Variants in IQSEC1 observed in about 807,000 individuals in gnomAD.
IQSEC1 encodes IQ motif and Sec7 domain ArfGEF 1.
In IQSEC1, 31 loss-of-function variants were observed where a neutral mutation model predicts 91.0. The ratio of observed to expected loss-of-function variants is 0.34; its 90% CI spans 0.26 to 0.46. The LOEUF is 0.46. Among genes scored for constraint, IQSEC1 ranks in the 20% least tolerant of loss-of-function variants. IQSEC1 has a pLI of 1.00. For missense variants in IQSEC1, 1,388 were observed against 1,575.6 expected (o/e 0.88, Z 2.02); for synonymous variants, 699 against 662.6 (o/e 1.05, Z -0.84).
intron 2 of IQSEC1, among the ~76,000 whole-genome samples, chr3:13,085,246 T>G (rs1335308385): frequency 6.6e-6 from 1 of 152,128 alleles, no homozygotes; most frequent in Non-Finnish European, 1.5e-5. Context: ...AGCACAGAAC[T>G]GAACCGACCA....
At chr3:13,060,232 A>C (rs1452466004) in intron 1 of IQSEC1, among the ~76,000 whole-genome samples, 2 of 152,176 alleles carry the variant, frequency 1.3e-5, no homozygotes, top group Non-Finnish European at 2.9e-5. Context: ...GCCAGTCAGC[A>C]CCATGGGAGA....
intron 2 of IQSEC1, among the ~76,000 whole-genome samples, chr3:13,151,121 C>G (rs1314766143): frequency 6.6e-6 from 1 of 152,218 alleles, no homozygotes; most frequent in Admixed American, 6.5e-5. Context: ...AATCACTTCC[C>G]TTCCCACGCT....
rs201139246 is a variant in IQSEC1 at position 12,902,739 on chromosome 3, G to A, written c.2805+34C>T. 272 of 1,499,228 alleles carry A rather than the reference G, an allele frequency of 1.8e-4. 1 individual carries two copies. Among genetic ancestry groups the A allele is most frequent in the Middle Eastern group, 3.5e-4 (2 of 5,768 alleles). The allele number at this position is 1,499,228 out of a possible 1,614,324, so 92.9% of individuals were successfully genotyped here. A position where few individuals can be genotyped will look rare whatever the true frequency, so the allele number is the denominator to read the frequency against. The stretch of plus-strand genomic sequence containing the variant: ...CTGAGGACTGGGGAAGGCGACACAG[G>A]ACAGCCAGCTGGACAGAGGCGCTTC... On this transcript the variant is annotated intron_variant, in intron 13 of 13. Transcript: ENST00000613206.
chr3:13,019,307 G>C (rs962316265), intron 1 of IQSEC1, among the ~76,000 whole-genome samples: 1 of 152,218 alleles, frequency 6.6e-6, no homozygotes, highest in African/African-American at 2.4e-5. Context: ...CTGGGCAGAG[G>C]GCCAGGGCTG....
chr3:12,913,046 G>C (rs958088313), intron 9 of IQSEC1, among the ~76,000 whole-genome samples: 4 of 152,258 alleles, frequency 2.6e-5, no homozygotes, highest in Non-Finnish European at 5.9e-5. Flanking sequence ...TCTAGGAAGA[G>C]GATTCTACAG....
Position 13,170,108 on chromosome 3 carries a change from G to T in IQSEC1, c.273-5975C>A, listed in dbSNP as rs1258398705. 4.6e-5 allele frequency among the ~76,000 whole-genome samples: 7 copies of T among 152,328 alleles called. No homozygotes were observed. The East Asian group carries it at 9.6e-4, about 21-fold the overall frequency. ...AATGGTTTTGTGGGCCAGGCCCAGG[G>T]TCCCCAAGCTGTGTGCAGCCTAGGG... On this transcript the variant is annotated intron_variant, in intron 1 of 15. Coordinates refer to the IQSEC1 transcript ENST00000648114.
chr3:13,263,169 G>A (rs189435841), intron 1 of IQSEC1, among the ~76,000 whole-genome samples: 21 of 152,198 alleles, frequency 1.4e-4, no homozygotes, highest in African/African-American at 4.3e-4. Flanking sequence ...AGAATCTCTT[G>A]AGCCTCGGAG....
chr3:13,264,748 T>C (rs577406), intron 1 of IQSEC1, among the ~76,000 whole-genome samples: 112,771 of 150,792 alleles, frequency 0.75, 42,828 homozygotes, highest in East Asian at 0.97. Flanking sequence ...TCAAAAGGGG[T>C]CAAACACATA....
intron 1 of IQSEC1, among the ~76,000 whole-genome samples, chr3:13,004,776 T>C (rs1239373723): frequency 6.6e-6 from 1 of 151,974 alleles, no homozygotes; most frequent in Non-Finnish European, 1.5e-5. Context: ...GGGGGGAGGC[T>C]AATTCACCTC....
intron 1 of IQSEC1, among the ~76,000 whole-genome samples, chr3:13,232,529 G>T (rs1237590811): frequency 6.6e-6 from 1 of 152,182 alleles, no homozygotes; most frequent in African/African-American, 2.4e-5. Context: ...GCCTCTCACG[G>T]GGTGGTGACA....
At chr3:13,119,426 G>A (rs1280558101) in intron 2 of IQSEC1, among the ~76,000 whole-genome samples, 2 of 152,242 alleles carry the variant, frequency 1.3e-5, no homozygotes, top group Admixed American at 6.5e-5. Context: ...GGAGCTGGCT[G>A]GAGGAAATGA....
rs200320580 is a variant in IQSEC1 at position 12,911,595 on chromosome 3, C to T, written c.2416+34G>A. The T allele has an allele frequency of 1.9e-4, 278 of 1,488,578 alleles. 1 individual carries two copies. In the African/African-American group the frequency reaches 3.4e-3, roughly 18 times the overall value. The allele number at this position is 1,488,578 out of a possible 1,614,324, so 92.2% of individuals were successfully genotyped here. A position where few individuals can be genotyped will look rare whatever the true frequency, so the allele number is the denominator to read the frequency against. ...GAGAAAGAGCGTAAGCTGGGACATGCGCTCTTCCAGGCAGGCCCTGGGGGC... is the reference window on the plus strand; with the variant it reads ...GAGAAAGAGCGTAAGCTGGGACATGTGCTCTTCCAGGCAGGCCCTGGGGGC... On this transcript the variant is annotated intron_variant, in intron 10 of 13. Coordinates refer to ENST00000613206, the MANE Select transcript of IQSEC1 (RefSeq NM_001134382.3).
Position 12,936,101 on chromosome 3 carries a change from C to T in IQSEC1, c.915G>A (p.Ser305=), listed in dbSNP as rs751316517. The T allele has an allele frequency of 1.4e-5, 22 of 1,610,838 alleles. No individual in the cohort carries two copies. Among genetic ancestry groups the T allele is most frequent in the African/African-American group, 4.0e-5 (3 of 74,924 alleles). Residue 305 remains serine (S), a synonymous_variant, in exon 3 of 14, where the codon TCG becomes TCA. Coordinates refer to ENST00000613206, the MANE Select transcript of IQSEC1 (RefSeq NM_001134382.3). ...EEELSPPLPL[S]QAGDRPSSTE... ...TGCTGGACGGCCGGTCCCCTGCCTG[C>T]GAGAGGGGCAGAGGGGGCGACAGCT...
chr3:13,257,699 G>C (rs1261322477), intron 1 of IQSEC1, among the ~76,000 whole-genome samples: 1 of 152,200 alleles, frequency 6.6e-6, no homozygotes. Context: ...GCCCCTTAAA[G>C]GGGTCCAAAA....
chr3:12,903,202 G>A (rs1197473617), intron 12 of IQSEC1, among the ~76,000 whole-genome samples: 1 of 152,176 alleles, frequency 6.6e-6, no homozygotes, highest in Non-Finnish European at 1.5e-5. Context: ...AATGGGGAGG[G>A]GTGAGGGCAG....
At chr3:13,237,909 G>T (rs1303397201) in intron 1 of IQSEC1, among the ~76,000 whole-genome samples, 1 of 152,236 alleles carries the variant, frequency 6.6e-6, no homozygotes, top group Non-Finnish European at 1.5e-5. Context: ...GCGGGCCGAG[G>T]TCACTCCCTG....
At chr3:13,010,935 A>G (rs891742454) in intron 1 of IQSEC1, among the ~76,000 whole-genome samples, 4 of 151,746 alleles carry the variant, frequency 2.6e-5, no homozygotes, top group Non-Finnish European at 5.9e-5. Flanking sequence ...TCCACTCCCC[A>G]CTTGAGCAGT....
chr3:12,925,757 G>C (rs1257242844), intron 3 of IQSEC1, among the ~76,000 whole-genome samples: 9 of 152,240 alleles, frequency 5.9e-5, no homozygotes, highest in Non-Finnish European at 1.3e-4. Flanking sequence ...CATGTGTGTC[G>C]TGGGCTGATG....
intron 1 of IQSEC1, among the ~76,000 whole-genome samples, chr3:13,270,814 G>C (rs1230963321): frequency 6.6e-6 from 1 of 152,090 alleles, no homozygotes; most frequent in Non-Finnish European, 1.5e-5. Context: ...ATTAAATGTA[G>C]ATTAAACACT....
Sources: allele counts gnomAD v4.1 joint callset (sites outside exome capture counted in the v4.1 genomes callset), GRCh38; gene constraint gnomAD v4.1.1; transcripts MANE v1.5; gene names NCBI Gene and HGNC (gene_info 2026-07-23, HGNC 2026-07-21).